GATB: variants seen among roughly 807,000 people sequenced by gnomAD.
GATB encodes glutamyl-tRNA amidotransferase subunit B.
In GATB, 39 loss-of-function variants were observed where a neutral mutation model predicts 62.3. The observed-to-expected ratio is 0.63, with a 90% CI of 0.48 to 0.82. The LOEUF (loss-of-function observed/expected upper bound fraction) is 0.82. Among genes scored for constraint, GATB ranks in the 40% least tolerant of loss-of-function variants. GATB has a pLI of 0.00. For missense variants in GATB, 670 were observed against 684.0 expected, an observed-to-expected ratio of 0.98 and a Z score of 0.23; for synonymous variants, 276 against 258.9, an observed-to-expected ratio of 1.07 and a Z score of -0.63.
In GATB at chr4:151,671,243, C is replaced by G. The variant is rs1365051693; in HGVS notation, c.1605G>C (p.Arg535=). 1 of 1,613,922 alleles carries G rather than the reference C, an allele frequency of 6.2e-7. No homozygotes were observed. Among genetic ancestry groups the G allele is most frequent in the Non-Finnish European group, 8.5e-7 (1 of 1,179,944 alleles). ...GATCTGCTCGGCTTTGAGTCGCTTTCCGGACCAACCCAATCAGTTTATTTA... is the reference window on the plus strand; with the variant it reads ...GATCTGCTCGGCTTTGAGTCGCTTTGCGGACCAACCCAATCAGTTTATTTA... ...RAINKLIGLV[R]KATQSRADPV... is the part of the protein sequence containing the mutation. Residue 535 remains arginine (R), a synonymous_variant, in exon 13 of 13, where the codon CGG becomes CGC. Coordinates refer to ENST00000263985, the MANE Select transcript of GATB (RefSeq NM_004564.3).
At chr4:151,711,598 AG>A (rs1196536805) in intron 5 of GATB, among the ~76,000 whole-genome samples, 1 of 152,108 alleles carries the variant, frequency 6.6e-6, no homozygotes, top group Non-Finnish European at 1.5e-5. Context: ...ACCTCCTCTG[AG>A]GGCCTTTAAA....
At chr4:151,679,447 G>A (rs1738090291) in intron 11 of GATB, among the ~76,000 whole-genome samples, 1 of 152,174 alleles carries the variant, frequency 6.6e-6, no homozygotes. Context: ...CTGGGAGGCG[G>A]TGTGGGGGCG....
At position 151,730,839 on chromosome 4, in the gene GATB, C is replaced by CA. The variant is rs939716149; in HGVS notation, c.328-11302dup. 2.0e-5 allele frequency among the ~76,000 whole-genome samples: 3 copies of CA among 152,202 alleles called. No homozygotes were observed. Among genetic ancestry groups the CA allele is most frequent in the Admixed American group, 2.0e-4 (3 of 15,288 alleles). ...CCCAAATGAGAAGGAACGAGAAAAC[C>CA]AACGCTGGTAATATGACAAAACAAG... On this transcript the variant is annotated intron_variant, in intron 2 of 12. Transcript: ENST00000263985. The surrounding 1 kb of genome is among the most constrained non-coding windows in gnomAD (Gnocchi z 4.1).
chr4:151,741,452 A>AT (rs1739483411), intron 2 of GATB, among the ~76,000 whole-genome samples: 1 of 152,232 alleles, frequency 6.6e-6, no homozygotes, highest in Admixed American at 6.5e-5. Context: ...ATCCATGTGC[A>AT]TATTTTTGAG....
At chr4:151,671,796 T>G (rs1247693763) in intron 12 of GATB, among the ~76,000 whole-genome samples, 4 of 152,030 alleles carry the variant, frequency 2.6e-5, no homozygotes, top group Non-Finnish European at 5.9e-5. Context: ...TCCAGAGCGC[T>G]GGGTCGGGGG....
chr4:151,706,839 A>G (rs1241789340), intron 6 of GATB, among the ~76,000 whole-genome samples: 4 of 152,152 alleles, frequency 2.6e-5, no homozygotes. Context: ...GTCTCTGTGC[A>G]CCCTTGAAGG....
intron 10 of GATB, among the ~76,000 whole-genome samples, chr4:151,684,442 G>A (rs149672761): frequency 2.6e-5 from 4 of 152,212 alleles, no homozygotes; most frequent in African/African-American, 9.7e-5. Context: ...TCTTCTGAGA[G>A]GTCTTTAAAG....
intron 2 of GATB, among the ~76,000 whole-genome samples, chr4:151,750,246 C>T (rs1739692413): frequency 6.6e-6 from 1 of 152,188 alleles, no homozygotes; most frequent in African/African-American, 2.4e-5. Flanking sequence ...TCATGAAAAG[C>T]AGCAGTTCCC....
intron 2 of GATB, among the ~76,000 whole-genome samples, chr4:151,737,685 C>G (rs1739405763): frequency 6.6e-6 from 1 of 152,166 alleles, no homozygotes; most frequent in African/African-American, 2.4e-5. Flanking sequence ...TTTTGTGGAT[C>G]AGGCCCAGGG....
At chr4:151,752,081 T>C (rs547682994) in intron 2 of GATB, among the ~76,000 whole-genome samples, 7 of 152,302 alleles carry the variant, frequency 4.6e-5, no homozygotes, top group South Asian at 2.1e-4. Flanking sequence ...AATTCTAGGT[T>C]AGAATTATAA....
At chr4:151,750,557 C>T (rs1739701230) in intron 2 of GATB, among the ~76,000 whole-genome samples, 1 of 152,096 alleles carries the variant, frequency 6.6e-6, no homozygotes, top group Admixed American at 6.5e-5. Context: ...AGATAAGTTA[C>T]AAGATAAGAG....
At chr4:151,696,944 GC>G (rs2126965736) in intron 9 of GATB, among the ~76,000 whole-genome samples, 1 of 152,298 alleles carries the variant, frequency 6.6e-6, no homozygotes, top group African/African-American at 2.4e-5. Context: ...GAATCCTAAT[GC>G]CTGGATTTCA....
Position 151,716,898 on chromosome 4 carries a change from C to CGTCT in GATB, c.614_617dup (p.Leu207AspfsTer4), listed in dbSNP as rs1326251676. 1 of 1,614,092 alleles carries CGTCT rather than the reference C, an allele frequency of 6.2e-7. No homozygotes were observed. The highest frequency in any genetic ancestry group is 1.3e-5 in the African/African-American group (1 of 74,930). ...TACCTGCCCTGTTCAAATCAATGAG[C>CGTCT]GTCTGAGACCTCAGGTTGTCGTGGA... On this transcript the variant is annotated frameshift_variant, in exon 4 of 13. Transcript: ENST00000263985. LOFTEE classifies it high-confidence loss of function.
chr4:151,722,074 G>A (rs1739043033), intron 2 of GATB: 3 of 640,680 alleles, frequency 4.7e-6, no homozygotes, highest in South Asian at 1.8e-5. Flanking sequence ...AGTAAACAGA[G>A]AGTGTCAGTT....
At chr4:151,742,245 C>T (rs1370745458) in intron 2 of GATB, among the ~76,000 whole-genome samples, 4 of 152,158 alleles carry the variant, frequency 2.6e-5, no homozygotes, top group Non-Finnish European at 5.9e-5. Flanking sequence ...CCCGCCATCG[C>T]ACCCGGCTAA....
At chr4:151,703,746 T>C (rs771410472) in intron 8 of GATB, 105 bp downstream of exon 8, 2 of 807,318 alleles carry the variant, frequency 2.5e-6, no homozygotes, top group South Asian at 2.7e-5. Flanking sequence ...TGACAAAAAG[T>C]GGTTTCTAAA....
chr4:151,704,295 T>G (rs892334005), intron 7 of GATB, among the ~76,000 whole-genome samples: 9 of 152,140 alleles, frequency 5.9e-5, no homozygotes, highest in Admixed American at 6.5e-5. Context: ...CTGGGAAAGA[T>G]CTGATAGATT....
At position 151,722,876 on chromosome 4, in the gene GATB, T is replaced by A. The variant is rs1329442319; in HGVS notation, c.328-3338A>T. On this transcript the variant is annotated intron_variant, in intron 2 of 12. Transcript: ENST00000263985. Reference sequence around the variant, plus strand: ...TCAATGGACGATTTCAGAGAGGCAGTGATGCCCCAGTCTCCTCTAAGGTGT... The same window carrying A: ...TCAATGGACGATTTCAGAGAGGCAGAGATGCCCCAGTCTCCTCTAAGGTGT... The A allele has an allele frequency of 1.8e-4, 28 of 152,320 alleles. 1 individual carries two copies. Among genetic ancestry groups the A allele is most frequent in the Admixed American group, 1.8e-3 (28 of 15,274 alleles). 9.4% of individuals were successfully genotyped at this position (152,320 alleles called of 1,614,324 possible).
chr4:151,729,507 T>A (rs78261030), intron 2 of GATB, among the ~76,000 whole-genome samples: 1 of 152,160 alleles, frequency 6.6e-6, no homozygotes, highest in South Asian at 2.1e-4. Flanking sequence ...CTGAGTGTGA[T>A]AATCATACTG....
Sources: gnomAD v4.1 joint callset for allele counts (sites outside exome capture counted in the v4.1 genomes callset) on GRCh38, gnomAD v4.1.1 for gene constraint, Gnocchi (gnomAD v3.1) non-coding constraint, MANE v1.5 for transcripts, NCBI Gene and HGNC (gene_info 2026-07-23, HGNC 2026-07-21) for gene names.